Variants in RBFOX1 observed in about 807,000 individuals in gnomAD.
RBFOX1 encodes RNA binding fox-1 homolog 1.
RBFOX1 carries 8 observed loss-of-function variants against 57.7 expected under a neutral mutation model. The ratio of observed to expected loss-of-function variants is 0.14; its 90% confidence interval spans 0.08 to 0.25. The LOEUF is 0.25. RBFOX1 is among the 10% of genes least tolerant of loss of function. RBFOX1 has a pLI of 1.00. For synonymous variants in RBFOX1, 326 were observed against 222.4 expected (o/e 1.47, Z -4.15); for missense variants, 611 against 548.5 (o/e 1.11, Z -1.14).
At chr16:6,540,396 A>C (rs928568315) in intron 2 of RBFOX1, among the ~76,000 whole-genome samples, 1 of 151,828 alleles carries the variant, frequency 6.6e-6, no homozygotes, top group Non-Finnish European at 1.5e-5. Context: ...GGTGGGTTAC[A>C]AGGTCAGGAG....
intron 4 of RBFOX1, among the ~76,000 whole-genome samples, chr16:7,512,144 G>A (rs1280016805): frequency 3.3e-5 from 5 of 152,120 alleles, no homozygotes; most frequent in African/African-American, 9.7e-5. Flanking sequence ...GAAGAAAGAA[G>A]GCAGCTTCTG....
intron 4 of RBFOX1, among the ~76,000 whole-genome samples, chr16:7,222,297 G>T (rs1003368013): frequency 6.6e-6 from 1 of 152,184 alleles, no homozygotes; most frequent in Non-Finnish European, 1.5e-5. Context: ...TACTACACTA[G>T]ACAGGCAAGC....
chr16:7,588,992 C>T (rs2094290586), intron 7 of RBFOX1, among the ~76,000 whole-genome samples: 1 of 152,178 alleles, frequency 6.6e-6, no homozygotes, highest in Admixed American at 6.5e-5. Flanking sequence ...GTCATTTTTC[C>T]ATAGCTCCAG....
At chr16:6,338,638 A>C (rs17139893) in intron 2 of RBFOX1, among the ~76,000 whole-genome samples, 2,958 of 152,332 alleles carry the variant, frequency 0.019, 99 homozygotes, top group African/African-American at 0.066. Context: ...TTAGAAATCC[A>C]CAACAGTGGC....
intron 3 of RBFOX1, among the ~76,000 whole-genome samples, chr16:6,773,499 T>C (rs987423218): frequency 6.8e-6 from 1 of 148,126 alleles, no homozygotes; most frequent in Non-Finnish European, 1.5e-5. Context: ...TTTGTGTGTG[T>C]CTATGTGTAT....
chr16:6,324,474 C>T (rs1022934135), intron 2 of RBFOX1, among the ~76,000 whole-genome samples: 4 of 152,124 alleles, frequency 2.6e-5, no homozygotes, highest in African/African-American at 9.7e-5. Context: ...ACAGTTATGG[C>T]AGAAGGCAGA....
chr16:7,394,263 AAGAG>A (rs1404450340), intron 4 of RBFOX1, among the ~76,000 whole-genome samples: 5 of 139,234 alleles, frequency 3.6e-5, no homozygotes, highest in Non-Finnish European at 7.9e-5. Flanking sequence ...AAAAAAAAAA[AAGAG>A]AGAAAGAAAT....
chr16:6,964,750 T>C (rs1235803107), intron 3 of RBFOX1, among the ~76,000 whole-genome samples: 1 of 152,214 alleles, frequency 6.6e-6, no homozygotes, highest in East Asian at 1.9e-4. Flanking sequence ...CTGCAATTCC[T>C]GTTGGAGAGC....
chr16:6,068,400 G>A (rs2095794559), intron 1 of RBFOX1, among the ~76,000 whole-genome samples: 2 of 152,194 alleles, frequency 1.3e-5, no homozygotes, highest in East Asian at 1.9e-4. Context: ...TACAAAGGCT[G>A]GAGTGTATCA....
chr16:5,355,436 A>G (rs1364876723), intron 1 of RBFOX1, among the ~76,000 whole-genome samples: 1 of 152,144 alleles, frequency 6.6e-6, no homozygotes, highest in Admixed American at 6.5e-5. Flanking sequence ...TCTTGATGTA[A>G]GGTGTCAAGG....
intron 3 of RBFOX1, among the ~76,000 whole-genome samples, chr16:5,844,133 G>C (rs2056692541): frequency 1.3e-5 from 2 of 152,194 alleles, no homozygotes; most frequent in South Asian, 2.1e-4. Context: ...CTAAAGCTTA[G>C]TGTTTTGGAG....
chr16:6,866,800 C>T (rs1264698489), intron 3 of RBFOX1, among the ~76,000 whole-genome samples: 1 of 151,810 alleles, frequency 6.6e-6, no homozygotes, highest in Non-Finnish European at 1.5e-5. Flanking sequence ...CCTTGGCCTC[C>T]CAAACTGCTG....
At chr16:6,645,650 C>T (rs1029494143) in intron 2 of RBFOX1, among the ~76,000 whole-genome samples, 2 of 152,100 alleles carry the variant, frequency 1.3e-5, no homozygotes, top group Non-Finnish European at 1.5e-5. Context: ...ACCTAGAGGC[C>T]TTGGAAGAGA....
At chr16:6,883,787 TGAA>T (rs1157428976) in intron 3 of RBFOX1, among the ~76,000 whole-genome samples, 2 of 152,228 alleles carry the variant, frequency 1.3e-5, no homozygotes, top group East Asian at 3.9e-4. Context: ...CATGGGTTAG[TGAA>T]GAGGTTTTTT....
chr16:5,423,278 G>A (rs549550248), intron 1 of RBFOX1, among the ~76,000 whole-genome samples: 3 of 152,172 alleles, frequency 2.0e-5, no homozygotes, highest in Non-Finnish European at 4.4e-5. Context: ...TGACATTGGT[G>A]CCATCTGTTC....
chr16:7,153,614 G>A (rs1265154369), intron 4 of RBFOX1, among the ~76,000 whole-genome samples: 4 of 151,564 alleles, frequency 2.6e-5, no homozygotes, highest in African/African-American at 9.7e-5. Flanking sequence ...GTGGTGGGGG[G>A]AGGGGGGCGC....
chr16:6,955,348 GCA>G (rs34550051), intron 3 of RBFOX1, among the ~76,000 whole-genome samples: 4,686 of 150,220 alleles, frequency 0.031, 208 homozygotes, highest in African/African-American at 0.1. Flanking sequence ...CCCCACATAT[GCA>G]CACACACACA....
intron 2 of RBFOX1, among the ~76,000 whole-genome samples, chr16:6,612,968 G>C (rs917133517): frequency 4.0e-5 from 6 of 151,636 alleles, no homozygotes; most frequent in South Asian, 4.2e-4. Flanking sequence ...TACAGTTCAC[G>C]TGCCAAGTGA....
chr16:7,411,293 G>A (rs1335487497), intron 4 of RBFOX1, among the ~76,000 whole-genome samples: 2 of 151,972 alleles, frequency 1.3e-5, no homozygotes, highest in Non-Finnish European at 2.9e-5. Flanking sequence ...TGAGGGTTGT[G>A]TGTTAAGCAA....
Sources: gnomAD v4.1 joint callset for allele counts (sites outside exome capture counted in the v4.1 genomes callset) on GRCh38, gnomAD v4.1.1 for gene constraint, MANE v1.5 for transcripts, NCBI Gene and HGNC (gene_info 2026-07-23, HGNC 2026-07-21) for gene names.